The following CCDC170 variants were observed in gnomAD, a reference collection of about 807,000 sequenced individuals.
The protein encoded by CCDC170 is coiled-coil domain-containing protein 170.
A neutral mutation model predicts 72.6 loss-of-function variants in CCDC170; 69 were observed. The observed-to-expected ratio is 0.95, with a 90% CI of 0.78 to 1.16. The LOEUF (loss-of-function observed/expected upper bound fraction) is 1.16. CCDC170 is among the 50% of genes most tolerant of loss of function. CCDC170 has a pLI of 0.00. For synonymous variants in CCDC170, 300 were observed against 303.9 expected, an observed-to-expected ratio of 0.99 and a Z score of 0.13; for missense variants, 852 against 832.5, an observed-to-expected ratio of 1.02 and a Z score of -0.29.
chr6:151,620,661 G>A lies in CCDC170; in HGVS notation c.*2514G>A, dbSNP rs970231491. On this transcript the variant is annotated 3_prime_UTR_variant, in exon 11 of 11. Coordinates refer to ENST00000239374, the MANE Select transcript of CCDC170 (RefSeq NM_025059.4). ...AATGCAGTTATGGGTGGATGTGGGT[G>A]TATGAGAGTGGAGATTGTTTTTGTA... 5 of 152,180 alleles carry A rather than the reference G, an allele frequency of 3.3e-5. No homozygotes were observed. Among genetic ancestry groups the A allele is most frequent in the Admixed American group, 6.5e-5 (1 of 15,284 alleles). 9.4% of individuals were successfully genotyped at this position (152,180 alleles called of 1,614,324 possible).
intron 3 of CCDC170, among the ~76,000 whole-genome samples, chr6:151,542,383 G>C (rs550393325): frequency 4.9e-4 from 75 of 152,084 alleles, no homozygotes; most frequent in Admixed American, 2.4e-3. Flanking sequence ...ACTACACCCA[G>C]CTGATTTTTA....
intron 6 of CCDC170, among the ~76,000 whole-genome samples, chr6:151,581,555 A>G (rs771095999): frequency 2.0e-5 from 3 of 152,196 alleles, no homozygotes; most frequent in Admixed American, 6.5e-5. Context: ...ATCATCTCAT[A>G]GATGACACCT....
At chr6:151,539,039 A>T (rs1396263132) in intron 3 of CCDC170, among the ~76,000 whole-genome samples, 1 of 152,126 alleles carries the variant, frequency 6.6e-6, no homozygotes, top group African/African-American at 2.4e-5. Context: ...AGGTGGGCAG[A>T]TCACTTGAGG....
chr6:151,575,525 CTTTTTTT>C lies in CCDC170; in HGVS notation c.1092+2050_1092+2056del, dbSNP rs869185539. Reference sequence around the variant, plus strand: ...AAGCACATTTTCTTTTCTTTTCTTTCTTTTTTTTTTTTTTTTTTTTTTGAGATGGAGT... The same window carrying C: ...AAGCACATTTTCTTTTCTTTTCTTTCTTTTTTTTTTTTTTTGAGATGGAGT... On this transcript the variant is annotated intron_variant, in intron 6 of 10. Transcript: ENST00000239374. 1.4e-4 allele frequency among the ~76,000 whole-genome samples: 11 copies of C among 79,672 alleles called. 1 individual carries two copies. Among genetic ancestry groups the C allele is most frequent in the Admixed American group, 4.3e-4 (2 of 4,610 alleles). The allele number at this position is 79,672 out of a possible 152,430, so 52.3% of individuals were successfully genotyped here. A position where few individuals can be genotyped will look rare whatever the true frequency, so the allele number is the denominator to read the frequency against.
At position 151,619,539 on chromosome 6, in the gene CCDC170, A is replaced by G. The variant is rs940318934; in HGVS notation, c.*1392A>G. 1 of 152,230 alleles carries G rather than the reference A, an allele frequency of 6.6e-6. No individual in the cohort carries two copies. The highest frequency in any genetic ancestry group is 1.5e-5 in the Non-Finnish European group (1 of 68,036). 9.4% of individuals were successfully genotyped at this position (152,230 alleles called of 1,614,324 possible). A position where few individuals can be genotyped will look rare whatever the true frequency, so the allele number is the denominator to read the frequency against. Reference sequence around the variant, plus strand: ...TAGCATGAAATTAAAGGAAAGGGAAAGAAATAGATCTGGTGCACCCGAACA... The same window carrying G: ...TAGCATGAAATTAAAGGAAAGGGAAGGAAATAGATCTGGTGCACCCGAACA... On this transcript the variant is annotated 3_prime_UTR_variant, in exon 11 of 11. Transcript: ENST00000239374.
intron 5 of CCDC170, among the ~76,000 whole-genome samples, chr6:151,548,731 A>T (rs1782821737): frequency 6.6e-6 from 1 of 151,594 alleles, no homozygotes; most frequent in African/African-American, 2.4e-5. Flanking sequence ...TTAATTAATT[A>T]ATTTTTGAGA....
chr6:151,585,747 T>G (rs1369085354), intron 6 of CCDC170, 142 bp from the exon 7 acceptor site: 7 of 662,228 alleles, frequency 1.1e-5, no homozygotes, highest in Non-Finnish European at 1.5e-5. Flanking sequence ...CAGCTATCAA[T>G]TACATATTTT....
chr6:151,591,581 G>A (rs1052813406), intron 7 of CCDC170, among the ~76,000 whole-genome samples: 19 of 151,640 alleles, frequency 1.3e-4, no homozygotes, highest in African/African-American at 4.4e-4. Context: ...TATAAGCTCC[G>A]CCTCCCAGGT....
chr6:151,612,951 CTTTGT>C (rs1267030231), intron 9 of CCDC170, among the ~76,000 whole-genome samples: 2 of 32,816 alleles, frequency 6.1e-5, no homozygotes, highest in African/African-American at 7.2e-4. Context: ...CTGTACTGGT[CTTTGT>C]TTGCTTTGTT....
Position 151,587,151 on chromosome 6 carries a change from C to T in CCDC170, c.1293+1062C>T, listed in dbSNP as rs186765943. 7.2e-5 allele frequency among the ~76,000 whole-genome samples: 11 copies of T among 152,030 alleles called. No individual in the cohort carries two copies. In the East Asian group the frequency reaches 1.2e-3, roughly 16 times the overall value. ...GCTGAGATTGTGGCATGGAGGGTCT[C>T]GGAAACAATGGCACTGATAACCCAG... On this transcript the variant is annotated intron_variant, in intron 7 of 10. Coordinates refer to ENST00000239374, the MANE Select transcript of CCDC170 (RefSeq NM_025059.4).
At chr6:151,514,484 A>G (rs532994076) in intron 1 of CCDC170, among the ~76,000 whole-genome samples, 5 of 152,184 alleles carry the variant, frequency 3.3e-5, no homozygotes, top group African/African-American at 1.2e-4. Flanking sequence ...ACTTTTGCCC[A>G]GTGGAGAAGC....
intron 1 of CCDC170, among the ~76,000 whole-genome samples, chr6:151,500,116 G>A (rs893197344): frequency 1.3e-5 from 2 of 151,774 alleles, no homozygotes; most frequent in African/African-American, 4.8e-5. Context: ...GTTATTTTCT[G>A]TGTGTTTTCT....
chr6:151,550,334 G>A (rs942377992), intron 5 of CCDC170, among the ~76,000 whole-genome samples: 21 of 152,226 alleles, frequency 1.4e-4, no homozygotes, highest in Non-Finnish European at 3.1e-4. Context: ...TGAAGGGCTA[G>A]TGGTGGCCCA....
At chr6:151,592,781 C>A (rs1332427044) in intron 7 of CCDC170, among the ~76,000 whole-genome samples, 1 of 152,176 alleles carries the variant, frequency 6.6e-6, no homozygotes, top group South Asian at 2.1e-4. Context: ...GTTGCAGCAA[C>A]AAGTTGTCGA....
At chr6:151,556,464 TCAAA>T (rs960703606) in intron 5 of CCDC170, among the ~76,000 whole-genome samples, 4 of 152,244 alleles carry the variant, frequency 2.6e-5, no homozygotes, top group South Asian at 4.1e-4. Flanking sequence ...CAAAACAAAA[TCAAA>T]CAAACAAACA....
intron 5 of CCDC170, among the ~76,000 whole-genome samples, chr6:151,567,433 T>G (rs898214964): frequency 6.6e-6 from 1 of 152,140 alleles, no homozygotes; most frequent in Admixed American, 6.5e-5. Flanking sequence ...GGTTTCACCA[T>G]GTTGCCCAGG....
At position 151,603,114 on chromosome 6, in the gene CCDC170, T is replaced by C. The variant is rs138216929; in HGVS notation, c.1710+6537T>C. ...ACATGCCCAGCTGGGTATTTCTTTA[T>C]AGCATGGACTATATACTATCCATTA... On this transcript the variant is annotated intron_variant, in intron 9 of 10. Coordinates refer to ENST00000239374, the MANE Select transcript of CCDC170 (RefSeq NM_025059.4). Among the ~76,000 whole-genome samples, 1,083 of 152,332 alleles carry C rather than the reference T, an allele frequency of 7.1e-3. 13 individuals are homozygous for C. The highest frequency in any genetic ancestry group is 0.024 in the African/African-American group (1,011 of 41,570).
chr6:151,552,434 A>T (rs1782895217), intron 5 of CCDC170, among the ~76,000 whole-genome samples: 1 of 152,270 alleles, frequency 6.6e-6, no homozygotes, highest in East Asian at 1.9e-4. Context: ...TAACTATTAC[A>T]TCATGGGTGG....
chr6:151,579,920 G>A (rs993070828), intron 6 of CCDC170, among the ~76,000 whole-genome samples: 1 of 152,190 alleles, frequency 6.6e-6, no homozygotes, highest in Non-Finnish European at 1.5e-5. Flanking sequence ...AGAGAGATTA[G>A]TTACTTGCTT....
Sources: allele counts gnomAD v4.1 joint callset (sites outside exome capture counted in the v4.1 genomes callset), GRCh38; gene constraint gnomAD v4.1.1; transcripts MANE v1.5; gene names NCBI Gene and HGNC (gene_info 2026-07-23, HGNC 2026-07-21).